The following TENM1 variants were observed in gnomAD, a reference collection of about 807,000 sequenced individuals.
TENM1 encodes teneurin transmembrane protein 1.
TENM1 carries 35 observed loss-of-function variants against 174.8 expected under a neutral mutation model. The ratio of observed to expected loss-of-function variants is 0.20; its 90% confidence interval spans 0.15 to 0.27. The LOEUF (loss-of-function observed/expected upper bound fraction) is 0.27. Ranked by LOEUF, TENM1 falls within the 10% of genes least tolerant of loss-of-function variation. TENM1 has a pLI of 1.00. For synonymous variants in TENM1, 781 were observed against 798.7 expected (o/e 0.98, Z 0.37); for missense variants, 1,633 against 2,130.1 (o/e 0.77, Z 4.59).
intron 3 of TENM1, among the ~76,000 whole-genome samples, chrX:124,867,772 A>T (rs1449531965): frequency 2.7e-5 from 3 of 112,585 alleles, no homozygotes; most frequent in Non-Finnish European, 5.6e-5. Context: ...CAGAACTGAT[A>T]AACAAATTCA....
the TENM1 span, among the ~76,000 whole-genome samples, chrX:125,155,102 G>A: frequency 9.0e-6 from 1 of 111,450 alleles, no homozygotes; most frequent in Non-Finnish European, 1.9e-5. Flanking sequence ...GGTCTGTTTT[G>A]ACAGGGCGCT....
chrX:124,529,966 C>A, exon 16 of TENM1: 2 of 1,210,111 alleles, frequency 1.7e-6, no homozygotes, highest in South Asian at 1.8e-5. Flanking sequence ...CACTTGGCCT[C>A]GAATCACACA....
intron 18 of TENM1, among the ~76,000 whole-genome samples, chrX:124,511,389 A>AT (rs750758817): frequency 1.2e-4 from 13 of 111,790 alleles, no homozygotes; most frequent in Admixed American, 8.5e-4. Context: ...ATGAAAGATT[A>AT]TTATCTCTGC....
intron 14 of TENM1, among the ~76,000 whole-genome samples, chrX:124,549,081 T>C (rs1485734024): frequency 1.7e-4 from 19 of 112,068 alleles, no homozygotes; most frequent in African/African-American, 6.2e-4. Flanking sequence ...GCTTCCCCTT[T>C]TCCCATCATT....
chrX:124,861,849 C>T (rs1044707076), intron 3 of TENM1, among the ~76,000 whole-genome samples: 1 of 111,755 alleles, frequency 8.9e-6, no homozygotes, highest in Non-Finnish European at 1.9e-5. Context: ...TTGGTATTTG[C>T]TATTTCCTTG....
At chrX:124,899,787 T>A (rs1359894742) in intron 1 of TENM1, among the ~76,000 whole-genome samples, 2 of 111,630 alleles carry the variant, frequency 1.8e-5, no homozygotes, top group African/African-American at 6.5e-5. Context: ...AGGTGGCCAA[T>A]AAGCAAATGA....
chrX:124,756,925 T>G (rs1872390727), intron 3 of TENM1, among the ~76,000 whole-genome samples: 1 of 112,151 alleles, frequency 8.9e-6, no homozygotes, highest in Non-Finnish European at 1.9e-5. Flanking sequence ...CCAGTTAGGC[T>G]GCTCGGGGGT....
exon 25 of TENM1, chrX:124,420,411 C>T: frequency 1.6e-6 from 2 of 1,212,161 alleles, no homozygotes; most frequent in Non-Finnish European, 1.1e-6. Flanking sequence ...TGGGCTGACA[C>T]TCTTTTCAGG....
At chrX:124,885,141 T>C (rs1403972962) in intron 3 of TENM1, among the ~76,000 whole-genome samples, 2 of 111,262 alleles carry the variant, frequency 1.8e-5, no homozygotes, top group African/African-American at 6.5e-5. Flanking sequence ...AAAACACTCT[T>C]ATACAGCACA....
chrX:124,489,303 G>C (rs190184654), intron 20 of TENM1, among the ~76,000 whole-genome samples: 1 of 112,525 alleles, frequency 8.9e-6, no homozygotes, highest in Non-Finnish European at 1.9e-5. Flanking sequence ...GTTGACCTTT[G>C]ATTTTCTCAA....
the TENM1 span, among the ~76,000 whole-genome samples, chrX:125,201,611 T>A: frequency 8.9e-6 from 1 of 112,492 alleles, no homozygotes; most frequent in Admixed American, 9.4e-5. Flanking sequence ...TTCATAGAGT[T>A]GTTTTATAGA....
intron 3 of TENM1, among the ~76,000 whole-genome samples, chrX:124,880,574 G>A (rs768331289): frequency 3.1e-4 from 35 of 111,849 alleles, no homozygotes; most frequent in Non-Finnish European, 4.5e-4. Flanking sequence ...AACAGGAGTG[G>A]TGAAACTGGG....
In TENM1 at chrX:124,382,774, G is replaced by A. The variant is rs749759542; in HGVS notation, c.7336C>T (p.His2446Tyr). The A allele has an allele frequency of 1.8e-5, 22 of 1,200,358 alleles. No individual in the cohort carries two copies. The East Asian group carries it at 6.0e-4, about 33-fold the overall frequency. Residue 2446 changes from histidine (H) to tyrosine (Y), a missense_variant, in exon 31 of 32, where the codon CAC (histidine) becomes TAC (tyrosine). By Grantham distance (83) the His-to-Tyr change is moderately conservative (BLOSUM62 2). Around this residue, in one of 4 missense-constraint regions of TENM1, gnomAD observed 807 missense variants for 1,125.3 expected, o/e 0.72. Coordinates refer to ENST00000422452, the Ensembl canonical transcript of TENM1. ...TTGGGAAATCCAGGTAGTACATTGT[G>A]TAATTGGAAACCAAATAGCTCCAAC... is the stretch of plus-strand genomic sequence containing the variant.
At chrX:124,792,687 C>G (rs1442578406) in intron 3 of TENM1, among the ~76,000 whole-genome samples, 3 of 111,374 alleles carry the variant, frequency 2.7e-5, no homozygotes, top group African/African-American at 9.8e-5. Flanking sequence ...AAAAAGTATC[C>G]CTAGGATGAA....
intron 3 of TENM1, among the ~76,000 whole-genome samples, chrX:124,842,234 A>C (rs779750136): frequency 5.4e-5 from 6 of 111,972 alleles, no homozygotes; most frequent in African/African-American, 1.9e-4. Flanking sequence ...TATATGCTCA[A>C]TAAATATTTC....
At chrX:124,625,609 GGAA>G (rs1483742439) in intron 11 of TENM1, among the ~76,000 whole-genome samples, 1 of 111,191 alleles carries the variant, frequency 9.0e-6, no homozygotes, top group African/African-American at 3.3e-5. Context: ...AAGCTGTACA[GGAA>G]GAATAGTGGC....
the TENM1 span, among the ~76,000 whole-genome samples, chrX:125,026,179 A>G: frequency 9.7e-6 from 1 of 102,896 alleles, no homozygotes; most frequent in African/African-American, 3.9e-5. Flanking sequence ...ACCAATAAAT[A>G]AAGAAGGAGA....
Position 124,910,348 on chromosome X carries a change from A to G in TENM1, c.218-14107T>C, listed in dbSNP as rs192264389. On this transcript the variant is annotated intron_variant, in intron 1 of 31. Coordinates refer to ENST00000422452, the Ensembl canonical transcript of TENM1. ...AATTAATGTTTCAGGCATTTAAAAA[A>G]CAATGGACAATCTATATACATGAAT... 3.2e-3 allele frequency among the ~76,000 whole-genome samples: 360 copies of G among 112,480 alleles called. 1 individual carries two copies. Among genetic ancestry groups the G allele is most frequent in the African/African-American group, 0.011 (351 of 31,015 alleles).
chrX:124,450,747 C>A (rs192140277), intron 23 of TENM1, among the ~76,000 whole-genome samples: 136 of 111,417 alleles, frequency 1.2e-3, no homozygotes, highest in African/African-American at 3.4e-3. Context: ...AGGGGACCCA[C>A]TTCTAAAGGG....
Sources: allele counts gnomAD v4.1 joint callset (sites outside exome capture counted in the v4.1 genomes callset), GRCh38; gene constraint gnomAD v4.1.1; regional missense constraint gnomAD v4.1.1; transcripts MANE v1.5; gene names NCBI Gene and HGNC (gene_info 2026-07-23, HGNC 2026-07-21).